The following BRD1 variants were observed in gnomAD, a reference collection of about 807,000 sequenced individuals.
The protein encoded by BRD1 is bromodomain-containing protein 1.
BRD1 carries 24 observed loss-of-function variants against 107.7 expected under a neutral mutation model. The observed-to-expected ratio is 0.22, with a 90% CI of 0.16 to 0.31. BRD1 has a LOEUF of 0.31. Ranked by LOEUF, BRD1 falls within the 10% of genes least tolerant of loss-of-function variation. BRD1 has a pLI of 1.00. For missense variants in BRD1, 1,279 were observed against 1,638.6 expected (o/e 0.78, Z 3.79); for synonymous variants, 744 against 686.1 (o/e 1.08, Z -1.32).
At chr22:49,777,211 C>A (rs1244212201) in intron 9 of BRD1, 50 bp from the exon 10 acceptor site, 2 of 1,601,590 alleles carry the variant, frequency 1.2e-6, no homozygotes, top group African/African-American at 2.7e-5. Context: ...CTGCCTTCAG[C>A]CTCACTCGGG....
intron 8 of BRD1, among the ~76,000 whole-genome samples, chr22:49,784,946 C>T (rs550913688): frequency 6.6e-6 from 1 of 152,354 alleles, no homozygotes; most frequent in East Asian, 1.9e-4. Context: ...CGGAAATCCA[C>T]TGTCACTCGG....
At chr22:49,814,130 A>T (rs763069442) in intron 2 of BRD1, among the ~76,000 whole-genome samples, 1 of 152,224 alleles carries the variant, frequency 6.6e-6, no homozygotes, top group Non-Finnish European at 1.5e-5. Flanking sequence ...CCAGGTGCGT[A>T]TAACTTCTAA....
rs1337718488 is a variant in BRD1, at chr22:49,827,663, C to G, written c.-181G>C. On this transcript the variant is annotated 5_prime_UTR_variant, in exon 1 of 13. Coordinates refer to ENST00000404760, the MANE Select transcript of BRD1 (RefSeq NM_001304808.3). ...CCCTCTCGGCCGCGGCGGCTCCGGG[C>G]CCGGCAGCGGCGGCCGCGGACTCTC... Among the ~76,000 whole-genome samples, 3 of 145,044 alleles carry G rather than the reference C, an allele frequency of 2.1e-5. No individual in the cohort carries two copies. The highest frequency in any genetic ancestry group is 2.0e-4 in the East Asian group (1 of 4,938).
chr22:49,822,243 T>C (rs1461156326), intron 2 of BRD1, among the ~76,000 whole-genome samples: 5 of 151,932 alleles, frequency 3.3e-5, no homozygotes, highest in African/African-American at 7.3e-5. Flanking sequence ...CTGGGCAACA[T>C]GGTGAAACCC....
chr22:49,787,447 TC>T lies in BRD1; in HGVS notation c.2799del (p.Ser934AlafsTer90). ...TCCACCTCGGAGTCTCCGCATGTGC[TC>T]CGCGACCTTTTCCTTGGCTGCAGAA... ...ETLLQPRKRS[R>X]STCGDSEVEE... On this transcript the variant is annotated frameshift_variant, in exon 8 of 13. Coordinates refer to ENST00000404760, the MANE Select transcript of BRD1 (RefSeq NM_001304808.3). LOFTEE classifies it high-confidence loss of function. 6.2e-7 allele frequency: 1 copy of T among 1,614,160 alleles called. No homozygotes were observed. Among genetic ancestry groups the T allele is most frequent in the Non-Finnish European group, 8.5e-7 (1 of 1,180,028 alleles).
At chr22:49,819,064 C>A (rs1165589575) in intron 2 of BRD1, among the ~76,000 whole-genome samples, 1 of 149,386 alleles carries the variant, frequency 6.7e-6, no homozygotes, top group East Asian at 2.0e-4. Context: ...TTGAGACCAT[C>A]CTGGACAACA....
At chr22:49,787,238 A>G (rs2059343366) in intron 8 of BRD1, 152 bp downstream of exon 8, 2 of 1,092,006 alleles carry the variant, frequency 1.8e-6, no homozygotes, top group South Asian at 1.7e-5. Context: ...TTTTCAAAGA[A>G]AACACTGCAC....
chr22:49,827,218 G>A (rs1038575178), intron 1 of BRD1, among the ~76,000 whole-genome samples: 19 of 149,726 alleles, frequency 1.3e-4, no homozygotes, highest in Admixed American at 9.3e-4. Context: ...GGCCTCCCTC[G>A]ACTCCCCGGC....
chr22:49,798,474 C>G (rs2059577862), intron 5 of BRD1, 84 bp downstream of exon 5: 2 of 1,601,494 alleles, frequency 1.2e-6, no homozygotes, highest in Non-Finnish European at 1.7e-6. Context: ...TGTACTCTAG[C>G]CAATCACACG....
chr22:49,813,959 TGAG>T (rs1243675753), intron 2 of BRD1, among the ~76,000 whole-genome samples: 1 of 151,926 alleles, frequency 6.6e-6, no homozygotes, highest in Non-Finnish European at 1.5e-5. Context: ...GTGATAAATT[TGAG>T]GAGTACGATG....
At chr22:49,777,331 AGGGG>A (rs1449609216) in intron 9 of BRD1, among the ~76,000 whole-genome samples, 170 bp from the exon 10 acceptor site, 3 of 152,212 alleles carry the variant, frequency 2.0e-5, no homozygotes, top group Non-Finnish European at 2.9e-5. Context: ...AACCTGTGGC[AGGGG>A]GGACTCAGGA....
chr22:49,803,741 C>T lies in BRD1; in HGVS notation c.1524+463G>A, dbSNP rs1194825981. On this transcript the variant is annotated intron_variant, in intron 3 of 12. Coordinates refer to ENST00000404760, the MANE Select transcript of BRD1 (RefSeq NM_001304808.3). The surrounding 1 kb of genome is among the most constrained non-coding windows in gnomAD (Gnocchi z 4.4). ...AAACCAACCTTCAGAGCAAGGCCCT[C>T]GAAATAAACCACTCCTCACATATTT... Among the ~76,000 whole-genome samples, 2 of 152,146 alleles carry T rather than the reference C, an allele frequency of 1.3e-5. No individual in the cohort carries two copies. Among genetic ancestry groups the T allele is most frequent in the African/African-American group, 2.4e-5 (1 of 41,432 alleles).
At position 49,786,812 on chromosome 22, in the gene BRD1, T is replaced by C. The variant is rs531405022; in HGVS notation, c.2857+578A>G. Reference sequence around the variant, plus strand: ...ACACCTGAATTCATTCTCAGTACTTTTTTAAAGATCAGAAGGGGCCAGGTG... The same window carrying C: ...ACACCTGAATTCATTCTCAGTACTTCTTTAAAGATCAGAAGGGGCCAGGTG... On this transcript the variant is annotated intron_variant, in intron 8 of 12. Coordinates refer to ENST00000404760, the MANE Select transcript of BRD1 (RefSeq NM_001304808.3). 1.6e-4 allele frequency among the ~76,000 whole-genome samples: 25 copies of C among 152,308 alleles called. No homozygotes were observed. In the South Asian group the frequency reaches 5.0e-3, roughly 30 times the overall value.
chr22:49,801,122 C>G (rs1307689783), intron 3 of BRD1, among the ~76,000 whole-genome samples: 2 of 152,252 alleles, frequency 1.3e-5, no homozygotes, highest in Non-Finnish European at 2.9e-5. Flanking sequence ...TGCCACAGGA[C>G]AGACACTGGG....
At chr22:49,789,432 T>C (rs1224087734) in intron 7 of BRD1, among the ~76,000 whole-genome samples, 3 of 152,148 alleles carry the variant, frequency 2.0e-5, no homozygotes, top group Admixed American at 2.0e-4. Flanking sequence ...AGCTGGTGTC[T>C]GGGGCACAGG....
intron 2 of BRD1, among the ~76,000 whole-genome samples, chr22:49,810,248 G>C (rs1272366666): frequency 1.3e-5 from 2 of 152,208 alleles, no homozygotes; most frequent in East Asian, 3.8e-4. Context: ...GCCAGACGCG[G>C]TGACTCACAC....
At chr22:49,784,224 A>AAGGCCGCTT in intron 8 of BRD1, among the ~76,000 whole-genome samples, 1 of 146,448 alleles carries the variant, frequency 6.8e-6, no homozygotes. Context: ...CGGTGAGTGG[A>AAGGCCGCTT]CAAAGACACC....
chr22:49,801,082 C>A (rs1197991205), intron 3 of BRD1, among the ~76,000 whole-genome samples: 2 of 152,230 alleles, frequency 1.3e-5, no homozygotes, highest in African/African-American at 2.4e-5. Flanking sequence ...CGCAGCACAG[C>A]AAGGACGATG....
At chr22:49,819,140 G>C (rs1312844270) in intron 2 of BRD1, among the ~76,000 whole-genome samples, 1 of 151,872 alleles carries the variant, frequency 6.6e-6, no homozygotes, top group African/African-American at 2.4e-5. Flanking sequence ...CACACCTGTA[G>C]TCCCAGCTAC....
Sources: gnomAD v4.1 joint callset for allele counts (sites outside exome capture counted in the v4.1 genomes callset) on GRCh38, gnomAD v4.1.1 for gene constraint, Gnocchi (gnomAD v3.1) non-coding constraint, MANE v1.5 for transcripts, NCBI Gene and HGNC (gene_info 2026-07-23, HGNC 2026-07-21) for gene names.